The following FBLN1 variants were observed in gnomAD, a reference collection of about 807,000 sequenced individuals.
FBLN1 encodes fibulin 1, also known as fibulin-1.
FBLN1 carries 34 observed loss-of-function variants against 89.7 expected under a neutral mutation model. The ratio of observed to expected loss-of-function variants is 0.38; its 90% CI spans 0.29 to 0.50. FBLN1 has a LOEUF of 0.50. Among genes scored for constraint, FBLN1 ranks in the 20% least tolerant of loss-of-function variants. FBLN1 has a pLI of 0.92. For missense variants in FBLN1, 777 were observed against 988.1 expected (o/e 0.79, Z 2.86); for synonymous variants, 393 against 391.3 (o/e 1.00, Z -0.05).
At chr22:45,553,886 C>T (rs1003448039) in intron 14 of FBLN1, among the ~76,000 whole-genome samples, 14 of 152,222 alleles carry the variant, frequency 9.2e-5, no homozygotes, top group Non-Finnish European at 1.8e-4. Flanking sequence ...TAGTACCCGC[C>T]ATGCTGAGAG....
At chr22:45,585,813 A>T (rs1348621831) in intron 16 of FBLN1, among the ~76,000 whole-genome samples, 1 of 152,040 alleles carries the variant, frequency 6.6e-6, no homozygotes, top group Non-Finnish European at 1.5e-5. Flanking sequence ...CTATGTCGTG[A>T]CCCCATGGGG....
At chr22:45,587,831 T>G (rs553556747) in intron 16 of FBLN1, among the ~76,000 whole-genome samples, 2 of 152,228 alleles carry the variant, frequency 1.3e-5, no homozygotes, top group African/African-American at 4.8e-5. Flanking sequence ...TCCAAGCCGA[T>G]GTCAGCTGTC....
In FBLN1 at chr22:45,561,389, C is replaced by A. The variant is rs2088849111; in HGVS notation, c.1697+10774C>A. Among the ~76,000 whole-genome samples, 1 of 152,180 alleles carries A rather than the reference C, an allele frequency of 6.6e-6. No homozygotes were observed. The highest frequency in any genetic ancestry group is 1.5e-5 in the Non-Finnish European group (1 of 68,034). Reference sequence around the variant, plus strand: ...TTTGTCCACTAAACTTAGGAGCAACCAACCAGCTTCATTATGTTCCTTGGT... The same window carrying A: ...TTTGTCCACTAAACTTAGGAGCAACAAACCAGCTTCATTATGTTCCTTGGT... On this transcript the variant is annotated intron_variant, in intron 14 of 16. Coordinates refer to ENST00000327858, the MANE Select transcript of FBLN1 (RefSeq NM_006486.3). The surrounding 1 kb of genome is among the most constrained non-coding windows in gnomAD (Gnocchi z 4.7).
rs2089062109 is a variant in FBLN1, at chr22:45,583,812, G to C, written c.1972+6704G>C. 6.6e-6 allele frequency among the ~76,000 whole-genome samples: 1 copy of C among 152,080 alleles called. No homozygotes were observed. The highest frequency in any genetic ancestry group is 2.1e-4 in the South Asian group (1 of 4,822). The stretch of plus-strand genomic sequence containing the variant: ...TGAGAGAGAGAGAGAATGAGAGAGA[G>C]AGACAGAGAGAGACCTGTGGGACCA... On this transcript the variant is annotated intron_variant, in intron 16 of 16. Coordinates refer to ENST00000327858, the MANE Select transcript of FBLN1 (RefSeq NM_006486.3). The surrounding 1 kb of genome is among the most constrained non-coding windows in gnomAD (Gnocchi z 4.5).
chr22:45,552,739 C>T (rs1235680483), intron 14 of FBLN1, among the ~76,000 whole-genome samples: 4 of 152,130 alleles, frequency 2.6e-5, no homozygotes, highest in Non-Finnish European at 5.9e-5. Flanking sequence ...TCCCGGCGGC[C>T]GAGGGCTGGT....
At chr22:45,596,679 C>T (rs1440339475) in intron 16 of FBLN1, among the ~76,000 whole-genome samples, 1 of 132,808 alleles carries the variant, frequency 7.5e-6, no homozygotes, top group Non-Finnish European at 1.5e-5. Flanking sequence ...CATATAGCAA[C>T]ATAATATGAT....
At chr22:45,512,791 C>T (rs2088118967) in intron 1 of FBLN1, among the ~76,000 whole-genome samples, 1 of 152,030 alleles carries the variant, frequency 6.6e-6, no homozygotes, top group Non-Finnish European at 1.5e-5. Flanking sequence ...AGGGTCTCCC[C>T]CTGTCCCCCA....
chr22:45,527,950 C>A lies in FBLN1; in HGVS notation c.425C>A (p.Ala142Glu), dbSNP rs764538258. 19 of 1,614,092 alleles carry A rather than the reference C, an allele frequency of 1.2e-5. No homozygotes were observed. The highest frequency in any genetic ancestry group is 1.5e-5 in the Non-Finnish European group (18 of 1,180,036). ...TACCAGTGTGGACAGGTCTTCCAGG[C>A]ATGCTGTGTCAAGAGCCAGGAGACC... ...VGYQCGQVFQ[A>E]CCVKSQETGD... Residue 142 changes from alanine to glutamate, a missense_variant, in exon 4 of 17, where the codon GCA becomes GAA. Transcript: ENST00000327858.
chr22:45,542,450 G>A (rs2146981931), intron 10 of FBLN1, among the ~76,000 whole-genome samples, 167 bp downstream of exon 10: 1 of 152,286 alleles, frequency 6.6e-6, no homozygotes, highest in South Asian at 2.1e-4. Context: ...TCTAGCCCCA[G>A]CTCTGCTACT....
rs1131172 is a variant in FBLN1 at position 45,548,626 on chromosome 22, C to T, written c.1455C>T (p.Cys485=). 41 of 1,613,510 alleles carry T rather than the reference C, an allele frequency of 2.5e-5. No individual in the cohort carries two copies. Among genetic ancestry groups the T allele is most frequent in the Non-Finnish European group, 3.1e-5 (36 of 1,179,994 alleles). The part of the protein sequence containing the change: ...DGVTCEDIDE[C]ALPTGGHICS... ...TTGCCGTTGCAGACATCGACGAGTG[C>T]GCCCTGCCCACCGGGGGCCACATCT... Residue 485 remains cysteine (C), a synonymous_variant, in exon 13 of 17, where the codon TGC becomes TGT. Coordinates refer to ENST00000327858, the MANE Select transcript of FBLN1 (RefSeq NM_006486.3).
In FBLN1 at chr22:45,597,841, C is replaced by T. The variant is rs2089199520; in HGVS notation, c.1973-2466C>T. ...TTGCTTAGGGAACAGCCTGAAATTCCACCCCAGCTGCTGGGCCTTTCACTT... is the reference window on the plus strand; with the variant it reads ...TTGCTTAGGGAACAGCCTGAAATTCTACCCCAGCTGCTGGGCCTTTCACTT... On this transcript the variant is annotated intron_variant, in intron 16 of 16. Coordinates refer to ENST00000327858, the MANE Select transcript of FBLN1 (RefSeq NM_006486.3). The surrounding 1 kb of genome is among the most constrained non-coding windows in gnomAD (Gnocchi z 4.2). Among the ~76,000 whole-genome samples the T allele has an allele frequency of 6.6e-6, 1 of 152,186 alleles. No individual in the cohort carries two copies. Among genetic ancestry groups the T allele is most frequent in the South Asian group, 2.1e-4 (1 of 4,822 alleles).
chr22:45,526,086 G>T (rs1342391364), intron 3 of FBLN1, among the ~76,000 whole-genome samples: 1 of 152,314 alleles, frequency 6.6e-6, no homozygotes, highest in South Asian at 2.1e-4. Flanking sequence ...ACTCGTCAGG[G>T]TCCAGAGGTA....
intron 2 of FBLN1, among the ~76,000 whole-genome samples, chr22:45,521,114 C>A (rs1459110799): frequency 6.6e-6 from 1 of 152,168 alleles, no homozygotes; most frequent in Non-Finnish European, 1.5e-5. Context: ...CTGCGCCCGG[C>A]CAATTTTGGG....
chr22:45,586,271 G>A (rs2146657415), intron 16 of FBLN1, among the ~76,000 whole-genome samples: 2 of 152,328 alleles, frequency 1.3e-5, no homozygotes, highest in African/African-American at 4.8e-5. Flanking sequence ...ACCTGGCTAG[G>A]AAGGGTCGGC....
Position 45,577,145 on chromosome 22 carries a change from C to T in FBLN1, c.1972+37C>T, listed in dbSNP as rs1314464623. The T allele has an allele frequency of 3.7e-6, 6 of 1,611,428 alleles. No homozygotes were observed. Among genetic ancestry groups the T allele is most frequent in the African/African-American group, 1.3e-5 (1 of 74,900 alleles). ...GGAATATCAGCTCTATCCAGGCACCCCTCCCCCTCCACCCCGAAACCCTCT... is the reference window on the plus strand; with the variant it reads ...GGAATATCAGCTCTATCCAGGCACCTCTCCCCCTCCACCCCGAAACCCTCT... On this transcript the variant is annotated intron_variant, in intron 16 of 16. Coordinates refer to ENST00000327858, the MANE Select transcript of FBLN1 (RefSeq NM_006486.3). This position sits in a 1 kb window ranked among gnomAD's most constrained non-coding sequence, Gnocchi z 6.6.
chr22:45,516,718 C>T (rs2088174476), intron 1 of FBLN1, among the ~76,000 whole-genome samples: 1 of 152,234 alleles, frequency 6.6e-6, no homozygotes, highest in Non-Finnish European at 1.5e-5. Context: ...AAACTTCACC[C>T]TTACCCACGC....
chr22:45,518,632 C>T (rs1602167763), intron 1 of FBLN1, 50 bp from the exon 2 acceptor site: 6 of 1,421,500 alleles, frequency 4.2e-6, no homozygotes, highest in Non-Finnish European at 5.8e-6. Flanking sequence ...GAGGGCCCTC[C>T]ACCCGCTGAG....
intron 1 of FBLN1, among the ~76,000 whole-genome samples, chr22:45,504,997 A>G (rs1364167944): frequency 2.0e-5 from 3 of 152,232 alleles, no homozygotes; most frequent in African/African-American, 7.2e-5. Context: ...TAAGGCCACA[A>G]GTGGCACCGC....
chr22:45,586,302 C>T (rs1253013624), intron 16 of FBLN1, among the ~76,000 whole-genome samples: 2 of 152,214 alleles, frequency 1.3e-5, no homozygotes, highest in African/African-American at 4.8e-5. Context: ...CCGCTCAGCA[C>T]CCCCTGCCGT....
Sources: gnomAD v4.1 joint callset for allele counts (sites outside exome capture counted in the v4.1 genomes callset) on GRCh38, gnomAD v4.1.1 for gene constraint, Gnocchi (gnomAD v3.1) non-coding constraint, MANE v1.5 for transcripts, NCBI Gene and HGNC (gene_info 2026-07-23, HGNC 2026-07-21) for gene names.